The following CDH7 variants were observed in gnomAD, a reference collection of about 807,000 sequenced individuals.
CDH7 encodes the protein cadherin-7.
A neutral mutation model predicts 71.8 loss-of-function variants in CDH7; 25 were observed. The observed-to-expected ratio is 0.35, with a 90% CI of 0.25 to 0.49. CDH7 has a LOEUF of 0.49. CDH7 is among the 20% of genes least tolerant of loss of function. CDH7 has a pLI of 0.99. For missense variants in CDH7, 862 were observed against 974.6 expected (o/e 0.88, Z 1.54); for synonymous variants, 381 against 363.8 (o/e 1.05, Z -0.54).
intron 2 of CDH7, among the ~76,000 whole-genome samples, chr18:65,765,152 C>T (rs2143793688): frequency 6.6e-6 from 1 of 151,926 alleles, no homozygotes; most frequent in African/African-American, 2.4e-5. Flanking sequence ...GTAAATTGTC[C>T]AGGATGGAAA....
intron 2 of CDH7, among the ~76,000 whole-genome samples, chr18:65,769,578 A>G (rs1229303564): frequency 6.6e-6 from 1 of 152,198 alleles, no homozygotes; most frequent in East Asian, 1.9e-4. Context: ...TTAACAGCAT[A>G]TATTCAAAAT....
At chr18:65,774,678 A>G (rs1909870653) in intron 2 of CDH7, among the ~76,000 whole-genome samples, 1 of 151,996 alleles carries the variant, frequency 6.6e-6, no homozygotes, top group Non-Finnish European at 1.5e-5. Context: ...TAATGTTGAG[A>G]GCCCTGGGTT....
chr18:65,821,651 GA>G (rs1208261503), intron 4 of CDH7, among the ~76,000 whole-genome samples: 6 of 152,278 alleles, frequency 3.9e-5, no homozygotes, highest in Admixed American at 3.9e-4. Context: ...TGTTGCTACA[GA>G]TAGTAGGAAT....
chr18:65,864,427 A>G (rs1913687690), intron 11 of CDH7, among the ~76,000 whole-genome samples: 2 of 148,466 alleles, frequency 1.3e-5, no homozygotes, highest in Non-Finnish European at 3.0e-5. Flanking sequence ...TTTGCTCACC[A>G]GATATTGTTA....
chr18:65,837,865 C>A (rs1912586213), intron 6 of CDH7, among the ~76,000 whole-genome samples: 1 of 151,282 alleles, frequency 6.6e-6, no homozygotes. Context: ...AAACCTCATC[C>A]AAGGTTGTAG....
At chr18:65,817,686 A>C (rs1165617884) in intron 4 of CDH7, among the ~76,000 whole-genome samples, 1 of 152,232 alleles carries the variant, frequency 6.6e-6, no homozygotes, top group Non-Finnish European at 1.5e-5. Context: ...TTCTCAGCTA[A>C]TCAGTAACAT....
intron 1 of CDH7, among the ~76,000 whole-genome samples, chr18:65,753,597 A>G (rs1915946726): frequency 6.6e-6 from 1 of 152,168 alleles, no homozygotes; most frequent in Non-Finnish European, 1.5e-5. Flanking sequence ...TCTTCCTTGG[A>G]TGAAGGAATC....
intron 2 of CDH7, among the ~76,000 whole-genome samples, chr18:65,767,567 C>T (rs1257177850): frequency 2.0e-5 from 3 of 152,078 alleles, no homozygotes; most frequent in Non-Finnish European, 4.4e-5. Flanking sequence ...TGCCTAATGC[C>T]AGGTCAACTC....
chr18:65,858,992 T>A lies in CDH7; in HGVS notation c.1440T>A (p.Pro480=), dbSNP rs375888840. Residue 480 remains proline (P), a synonymous_variant, in exon 9 of 12, where the codon CCT becomes CCA. Coordinates refer to ENST00000397968, the MANE Select transcript of CDH7 (RefSeq NM_004361.5). ...TACTTGACATCAATGATAACGCCCC[T>A]GAATTTGCCATGGACTATGAGACCA... ...ITILDINDNA[P]EFAMDYETTV... 12 of 1,613,182 alleles carry A rather than the reference T, an allele frequency of 7.4e-6. No individual in the cohort carries two copies. Among genetic ancestry groups the A allele is most frequent in the Non-Finnish European group, 1.0e-5 (12 of 1,179,356 alleles).
chr18:65,794,651 G>C (rs945615395), intron 2 of CDH7, among the ~76,000 whole-genome samples: 1 of 151,782 alleles, frequency 6.6e-6, no homozygotes, highest in Non-Finnish European at 1.5e-5. Flanking sequence ...CCTTAATAAT[G>C]GTTGGATTTT....
At chr18:65,804,793 G>T (rs1285195996) in intron 2 of CDH7, among the ~76,000 whole-genome samples, 3 of 151,752 alleles carry the variant, frequency 2.0e-5, no homozygotes, top group Non-Finnish European at 4.4e-5. Context: ...GAGTAAGAAA[G>T]ATGCCTGTTT....
At chr18:65,797,927 T>G (rs1357707399) in intron 2 of CDH7, among the ~76,000 whole-genome samples, 2 of 152,144 alleles carry the variant, frequency 1.3e-5, no homozygotes, top group African/African-American at 4.8e-5. Context: ...TATGTAGTAG[T>G]TTGACCCAGG....
intron 2 of CDH7, among the ~76,000 whole-genome samples, chr18:65,776,904 T>C (rs955555631): frequency 9.9e-5 from 15 of 152,240 alleles, no homozygotes; most frequent in Non-Finnish European, 2.9e-5. Flanking sequence ...AATATCTTGA[T>C]ATAATTTACA....
At chr18:65,854,736 C>A (rs1599053535) in intron 7 of CDH7, among the ~76,000 whole-genome samples, 1 of 152,012 alleles carries the variant, frequency 6.6e-6, no homozygotes, top group Non-Finnish European at 1.5e-5. Flanking sequence ...GAGAGCAATT[C>A]AGGTTTTAAT....
At chr18:65,842,544 G>A (rs1169177442) in intron 6 of CDH7, among the ~76,000 whole-genome samples, 2 of 151,584 alleles carry the variant, frequency 1.3e-5, no homozygotes, top group East Asian at 1.9e-4. Flanking sequence ...TATATTTTAT[G>A]TAGCAAAGTG....
At chr18:65,846,918 G>C (rs1326552253) in intron 7 of CDH7, among the ~76,000 whole-genome samples, 1 of 152,134 alleles carries the variant, frequency 6.6e-6, no homozygotes, top group Admixed American at 6.6e-5. Context: ...TATTATTATA[G>C]GTTATTGTGT....
intron 4 of CDH7, among the ~76,000 whole-genome samples, chr18:65,816,006 T>C (rs566579658): frequency 1.3e-5 from 2 of 152,320 alleles, no homozygotes; most frequent in South Asian, 4.1e-4. Flanking sequence ...AATGATTGGC[T>C]TATGATTTTG....
At chr18:65,757,045 T>C (rs942200058) in intron 1 of CDH7, among the ~76,000 whole-genome samples, 1 of 53,094 alleles carries the variant, frequency 1.9e-5, no homozygotes, top group African/African-American at 1.4e-4. Context: ...TGCATAACAG[T>C]TTTTTTTTTT....
chr18:65,858,083 A>G (rs1343472697), intron 8 of CDH7, 131 bp downstream of exon 8: 2 of 738,768 alleles, frequency 2.7e-6, no homozygotes, highest in Admixed American at 3.1e-5. Flanking sequence ...GAGAATACCA[A>G]ATTTCTAAGC....
Sources: allele counts gnomAD v4.1 joint callset (sites outside exome capture counted in the v4.1 genomes callset), GRCh38; gene constraint gnomAD v4.1.1; transcripts MANE v1.5; gene names NCBI Gene and HGNC (gene_info 2026-07-23, HGNC 2026-07-21).